CNIH3: variants seen among roughly 807,000 people sequenced by gnomAD.
CNIH3 encodes protein cornichon homolog 3.
Under a neutral mutation model 24.1 loss-of-function variants are expected in CNIH3, and 14 were observed. The observed-to-expected ratio is 0.58, with a 90% CI of 0.38 to 0.91. The LOEUF (loss-of-function observed/expected upper bound fraction) is 0.91, where lower values mean the gene tolerates loss of function less well. CNIH3 is among the 40% of genes least tolerant of loss of function. The probability of loss-of-function intolerance (pLI) is 0.00; values close to 1 mark genes in which losing one functional copy is unlikely to be tolerated. For synonymous variants in CNIH3, 68 were observed against 73.8 expected, an observed-to-expected ratio of 0.92 and a Z score of 0.40; for missense variants, 178 against 196.8, an observed-to-expected ratio of 0.90 and a Z score of 0.57.
At chr1:224,707,336 A>T (rs1230662491) in intron 3 of CNIH3, among the ~76,000 whole-genome samples, 2 of 152,128 alleles carry the variant, frequency 1.3e-5, no homozygotes, top group Admixed American at 6.5e-5. Flanking sequence ...GAGCAAATCT[A>T]TTGGATGAAA....
At chr1:224,506,890 A>G (rs1375115432) in intron 1 of CNIH3, among the ~76,000 whole-genome samples, 1 of 151,746 alleles carries the variant, frequency 6.6e-6, no homozygotes, top group Non-Finnish European at 1.5e-5. Flanking sequence ...TTTTTGAGAC[A>G]GGGTCTCTGT....
chr1:224,705,741 C>A (rs1381570515), intron 3 of CNIH3, among the ~76,000 whole-genome samples: 2 of 152,128 alleles, frequency 1.3e-5, no homozygotes, highest in Admixed American at 6.5e-5. Flanking sequence ...TGCCATAGTA[C>A]CCTGCTCCAG....
intron 1 of CNIH3, among the ~76,000 whole-genome samples, chr1:224,652,410 C>G (rs569598540): frequency 6.6e-6 from 1 of 152,074 alleles, no homozygotes; most frequent in Non-Finnish European, 1.5e-5. Context: ...TCAGACCTAG[C>G]GGTAGGGAAG....
At chr1:224,727,834 T>G (rs1689115039) in intron 3 of CNIH3, among the ~76,000 whole-genome samples, 1 of 152,088 alleles carries the variant, frequency 6.6e-6, no homozygotes, top group Admixed American at 6.6e-5. Flanking sequence ...TGTTCAGTGT[T>G]CTAGGCATAA....
intron 4 of CNIH3, among the ~76,000 whole-genome samples, chr1:224,576,132 A>G (rs1487721722): frequency 6.6e-6 from 1 of 152,188 alleles, no homozygotes; most frequent in Non-Finnish European, 1.5e-5. Flanking sequence ...GAATGAATCA[A>G]TTATGTGTTT....
chr1:224,650,168 C>T (rs749270500), intron 1 of CNIH3, among the ~76,000 whole-genome samples: 2 of 152,188 alleles, frequency 1.3e-5, no homozygotes, highest in Admixed American at 6.5e-5. Flanking sequence ...AGTGACCACA[C>T]TCTTAACTAG....
At chr1:224,728,391 GC>G (rs1471990087) in intron 3 of CNIH3, among the ~76,000 whole-genome samples, 1 of 152,120 alleles carries the variant, frequency 6.6e-6, no homozygotes, top group Non-Finnish European at 1.5e-5. Context: ...GACATGGCGT[GC>G]CCCCTCCTGC....
At position 224,616,753 on chromosome 1, in the gene CNIH3, T is replaced by TCC; in HGVS notation, c.-422_-421insCC. Reference sequence around the variant, plus strand: ...CGGAGCGCTCGTCTCTCCTCAGCGGTTTAGTGGAGAAAAGCAGAGAGCTCT... The same window carrying TCC: ...CGGAGCGCTCGTCTCTCCTCAGCGGTCCTTAGTGGAGAAAAGCAGAGAGCTCT... On this transcript the variant is annotated 5_prime_UTR_variant, in exon 1 of 6. Transcript: ENST00000272133. 9.9e-7 allele frequency: 1 copy of TCC among 1,010,782 alleles called. No individual in the cohort carries two copies. Among genetic ancestry groups the TCC allele is most frequent in the Non-Finnish European group, 1.2e-6 (1 of 846,508 alleles). The allele number at this position is 1,010,782 out of a possible 1,614,324, so 62.6% of individuals were successfully genotyped here. A position where few individuals can be genotyped will look rare whatever the true frequency, so the allele number is the denominator to read the frequency against.
At chr1:224,530,468 T>TTC (rs1325425795) in intron 2 of CNIH3, among the ~76,000 whole-genome samples, 3 of 152,144 alleles carry the variant, frequency 2.0e-5, no homozygotes, top group Admixed American at 2.0e-4. Context: ...TTACATTTAA[T>TTC]ACAGCAAGCC....
chr1:224,458,385 C>T lies in CNIH3; in HGVS notation n.203+23523C>T, dbSNP rs1036989963. Among the ~76,000 whole-genome samples the T allele has an allele frequency of 3.9e-5, 6 of 152,232 alleles. No individual in the cohort carries two copies. The highest frequency in any genetic ancestry group is 7.3e-5 in the Non-Finnish European group (5 of 68,042). ...AGCAGAGGGGCTCTGGCTCACTCCC[C>T]GTCCCTCATCCTACCAGGTGTGAGG... On this transcript the variant is annotated intron_variant and non_coding_transcript_variant, in intron 1 of 5. Coordinates refer to the CNIH3 transcript ENST00000471578. This position sits in a 1 kb window ranked among gnomAD's most constrained non-coding sequence, Gnocchi z 4.3.
At chr1:224,567,068 C>T (rs957417435) in intron 4 of CNIH3, among the ~76,000 whole-genome samples, 2 of 152,162 alleles carry the variant, frequency 1.3e-5, no homozygotes, top group Non-Finnish European at 1.5e-5. Context: ...TTCTAACTGG[C>T]ATGAGATGGT....
intron 1 of CNIH3, among the ~76,000 whole-genome samples, chr1:224,662,390 A>G (rs1322559652): frequency 2.6e-5 from 4 of 152,306 alleles, no homozygotes; most frequent in African/African-American, 9.6e-5. Context: ...TTTCACCAAT[A>G]ACTCAGAAGA....
At chr1:224,536,284 C>CTTTTTTTTTTTTTTT (rs373201561) in intron 2 of CNIH3, among the ~76,000 whole-genome samples, 1 of 86,044 alleles carries the variant, frequency 1.2e-5, no homozygotes, top group East Asian at 4.0e-4. Flanking sequence ...TAATTGTTGT[C>CTTTTTTTTTTTTTTT]TTTTTTTTTT....
At chr1:224,681,742 A>G (rs1219110869) in intron 2 of CNIH3, among the ~76,000 whole-genome samples, 3 of 152,140 alleles carry the variant, frequency 2.0e-5, no homozygotes, top group Non-Finnish European at 4.4e-5. Context: ...TTCCCTGGTC[A>G]GTGTAGTCCA....
chr1:224,546,466 T>C (rs1482942220), intron 2 of CNIH3, among the ~76,000 whole-genome samples: 1 of 152,128 alleles, frequency 6.6e-6, no homozygotes, highest in Non-Finnish European at 1.5e-5. Context: ...CACGTTGTAG[T>C]CAACCTGGAG....
chr1:224,693,847 G>A (rs1302993351), intron 3 of CNIH3, among the ~76,000 whole-genome samples: 3 of 152,184 alleles, frequency 2.0e-5, no homozygotes, highest in Non-Finnish European at 4.4e-5. Flanking sequence ...TGCATATCAA[G>A]ATCACCTCTG....
chr1:224,477,311 CA>C (rs1676629045), intron 1 of CNIH3, among the ~76,000 whole-genome samples: 1 of 152,232 alleles, frequency 6.6e-6, no homozygotes, highest in African/African-American at 2.4e-5. Context: ...GTGGGACGCG[CA>C]AGCTAGTCTT....
At chr1:224,712,706 C>G (rs1490858873) in intron 3 of CNIH3, among the ~76,000 whole-genome samples, 2 of 152,184 alleles carry the variant, frequency 1.3e-5, no homozygotes. Flanking sequence ...TGGGGACTCA[C>G]TTTGAAATCT....
chr1:224,504,492 G>A (rs116322518), intron 1 of CNIH3, among the ~76,000 whole-genome samples: 337 of 152,076 alleles, frequency 2.2e-3, no homozygotes, highest in African/African-American at 7.5e-3. Context: ...TTCCTCCTGC[G>A]GTCTTCTGGA....
Sources: gnomAD v4.1 joint callset for allele counts (sites outside exome capture counted in the v4.1 genomes callset) on GRCh38, gnomAD v4.1.1 for gene constraint, Gnocchi (gnomAD v3.1) non-coding constraint, MANE v1.5 for transcripts, NCBI Gene and HGNC (gene_info 2026-07-23, HGNC 2026-07-21) for gene names.